FRAS1: variants seen among roughly 807,000 people sequenced by gnomAD.
FRAS1 encodes extracellular matrix organizing protein FRAS1.
Under a neutral mutation model 435.2 loss-of-function variants are expected in FRAS1, and 290 were observed. The observed-to-expected ratio is 0.67, with a 90% CI of 0.61 to 0.73. FRAS1 has a LOEUF of 0.73. Among genes scored for constraint, FRAS1 ranks in the 30% least tolerant of loss-of-function variants. FRAS1 has a pLI of 0.00. For synonymous variants in FRAS1, 1,800 were observed against 1,851.0 expected, an observed-to-expected ratio of 0.97 and a Z score of 0.71; for missense variants, 4,860 against 5,001.5, an observed-to-expected ratio of 0.97 and a Z score of 0.85.
intron 18 of FRAS1, among the ~76,000 whole-genome samples, chr4:78,323,544 C>T (rs1286867000): frequency 1.3e-5 from 2 of 152,190 alleles, no homozygotes; most frequent in Admixed American, 6.5e-5. Context: ...ATCAGTCTTC[C>T]TTCACTGATT....
At chr4:78,192,417 T>G (rs2110065154) in intron 2 of FRAS1, among the ~76,000 whole-genome samples, 1 of 152,308 alleles carries the variant, frequency 6.6e-6, no homozygotes, top group South Asian at 2.1e-4. Flanking sequence ...CTTTTTTGGA[T>G]AGTAAGCTAT....
chr4:78,304,395 C>G (rs1728591717), intron 14 of FRAS1, among the ~76,000 whole-genome samples: 1 of 152,194 alleles, frequency 6.6e-6, no homozygotes, highest in African/African-American at 2.4e-5. Context: ...AGAATTTCCT[C>G]TTTTTCTATT....
rs191602788 is a variant in FRAS1 at position 78,283,681 on chromosome 4, T to C, written c.1255+714T>C. 1.4e-4 allele frequency among the ~76,000 whole-genome samples: 22 copies of C among 152,370 alleles called. No individual in the cohort carries two copies. In the East Asian group the frequency reaches 4.2e-3, roughly 29 times the overall value. Reference sequence around the variant, plus strand: ...AGTTGCTCTTGTTGCACTCAGCTTATTTTGGCTAATTGCAGTATTTTTGTG... The same window carrying C: ...AGTTGCTCTTGTTGCACTCAGCTTACTTTGGCTAATTGCAGTATTTTTGTG... On this transcript the variant is annotated intron_variant, in intron 12 of 73. Transcript: ENST00000512123.
chr4:78,450,442 C>G, intron 45 of FRAS1, 103 bp downstream of exon 45: 2 of 932,446 alleles, frequency 2.1e-6, no homozygotes, highest in South Asian at 1.4e-5. Flanking sequence ...ACTGTGCACT[C>G]TTTGTTTTGA....
At chr4:78,347,568 C>T (rs372909277) in intron 20 of FRAS1, among the ~76,000 whole-genome samples, 5 of 152,292 alleles carry the variant, frequency 3.3e-5, no homozygotes, top group East Asian at 3.9e-4. Flanking sequence ...CTCTTCCCCA[C>T]GCCACACTGC....
chr4:78,438,993 C>T lies in FRAS1; in HGVS notation c.5458C>T (p.Gln1820Ter), dbSNP rs1471051141. 2 of 1,613,288 alleles carry T rather than the reference C, an allele frequency of 1.2e-6. No individual in the cohort carries two copies. The highest frequency in any genetic ancestry group is 1.7e-6 in the Non-Finnish European group (2 of 1,179,414). ...SDMDHNHLDN[Q>*]IFTIMITPAE... ...CATGGACCACAACCATCTGGATAAT[C>T]AGATATTTACCATCATGATCACTCC... The change falls in exon 40 of 74, where the codon CAG (glutamine) becomes TAG (stop). Residue 1820 changes from glutamine to a stop codon, truncating the protein, a stop_gained. Coordinates refer to ENST00000512123, the MANE Select transcript of FRAS1 (RefSeq NM_025074.7). LOFTEE classifies it high-confidence loss of function.
At chr4:78,428,618 C>T (rs984345307) in intron 35 of FRAS1, among the ~76,000 whole-genome samples, 2 of 151,894 alleles carry the variant, frequency 1.3e-5, no homozygotes, top group African/African-American at 2.4e-5. Context: ...CCACTGTGCC[C>T]GGCCAAAAGT....
chr4:78,364,859 G>A (rs1172676209), intron 22 of FRAS1, among the ~76,000 whole-genome samples: 1 of 152,234 alleles, frequency 6.6e-6, no homozygotes, highest in Non-Finnish European at 1.5e-5. Flanking sequence ...GTACCATGCT[G>A]AAGGAATTGT....
intron 3 of FRAS1, among the ~76,000 whole-genome samples, chr4:78,240,629 TG>T (rs1357493409): frequency 6.6e-6 from 1 of 152,190 alleles, no homozygotes; most frequent in African/African-American, 2.4e-5. Flanking sequence ...TAGCTGGATA[TG>T]TAAGTCTAAG....
chr4:78,262,185 G>A (rs1328597519), intron 6 of FRAS1, among the ~76,000 whole-genome samples: 1 of 152,148 alleles, frequency 6.6e-6, no homozygotes, highest in Non-Finnish European at 1.5e-5. Context: ...AAAAAACTCA[G>A]ATCCTCAGCC....
At chr4:78,433,589 C>T (rs570235579) in intron 38 of FRAS1, among the ~76,000 whole-genome samples, 1 of 152,330 alleles carries the variant, frequency 6.6e-6, no homozygotes, top group Non-Finnish European at 1.5e-5. Flanking sequence ...ATTTTCCCCT[C>T]AAATGGTCCT....
At chr4:78,508,606 C>G in intron 62 of FRAS1, 125 bp from the exon 63 acceptor site, 1 of 943,902 alleles carries the variant, frequency 1.1e-6, no homozygotes, top group Non-Finnish European at 1.6e-6. Flanking sequence ...ATAAAAACTT[C>G]TCCTGTTATA....
At position 78,145,030 on chromosome 4, in the gene FRAS1, T is replaced by C. The variant is rs534148314; in HGVS notation, c.108+79014T>C. ...AACAATATTCATTTCTAATGCTTCC[T>C]ATATTATTTTTAAATTTCCCTTTAG... On this transcript the variant is annotated intron_variant, in intron 2 of 73. Coordinates refer to ENST00000512123, the MANE Select transcript of FRAS1 (RefSeq NM_025074.7). 3.9e-5 allele frequency among the ~76,000 whole-genome samples: 6 copies of C among 152,354 alleles called. No homozygotes were observed. The South Asian group carries it at 1.0e-3, about 26-fold the overall frequency.
chr4:78,313,308 A>G (rs1729108061), intron 15 of FRAS1, among the ~76,000 whole-genome samples: 1 of 152,130 alleles, frequency 6.6e-6, no homozygotes, highest in South Asian at 2.1e-4. Flanking sequence ...CTCTTACTCT[A>G]CACATTTGCC....
chr4:78,276,105 A>T (rs571698648), intron 9 of FRAS1, among the ~76,000 whole-genome samples: 1 of 152,190 alleles, frequency 6.6e-6, no homozygotes, highest in Non-Finnish European at 1.5e-5. Context: ...AGTTGATCAA[A>T]TCAGCTACTG....
chr4:78,200,357 C>T (rs1273120272), intron 2 of FRAS1, among the ~76,000 whole-genome samples: 1 of 152,188 alleles, frequency 6.6e-6, no homozygotes, highest in Admixed American at 6.5e-5. Flanking sequence ...TAAATTTTAA[C>T]ACATGCATGA....
At chr4:78,382,093 T>C (rs1403914923) in intron 27 of FRAS1, among the ~76,000 whole-genome samples, 1 of 152,156 alleles carries the variant, frequency 6.6e-6, no homozygotes, top group Non-Finnish European at 1.5e-5. Context: ...ATTAGAATGC[T>C]TCTGTGGAGT....
intron 1 of FRAS1, among the ~76,000 whole-genome samples, chr4:78,063,150 A>AT (rs1739833179): frequency 6.6e-6 from 1 of 152,198 alleles, no homozygotes; most frequent in South Asian, 2.1e-4. Flanking sequence ...CGAGAGATGA[A>AT]TTTTGTTTTC....
chr4:78,181,606 T>A (rs982171026), intron 2 of FRAS1: 5 of 1,610,962 alleles, frequency 3.1e-6, no homozygotes, highest in Non-Finnish European at 4.2e-6. Flanking sequence ...ATTAGCCTCC[T>A]TCACCCTTTT....
Sources: allele counts gnomAD v4.1 joint callset (sites outside exome capture counted in the v4.1 genomes callset), GRCh38; gene constraint gnomAD v4.1.1; transcripts MANE v1.5; gene names NCBI Gene and HGNC (gene_info 2026-07-23, HGNC 2026-07-21).